Variants in PPM1H observed in about 807,000 individuals in gnomAD.
PPM1H encodes protein phosphatase, Mg2+/Mn2+ dependent 1H, also known as protein phosphatase 1H.
Under a neutral mutation model 54.9 loss-of-function variants are expected in PPM1H, and 27 were observed. The observed-to-expected ratio is 0.49, with a 90% confidence interval of 0.36 to 0.68. The LOEUF (loss-of-function observed/expected upper bound fraction) is 0.68, where lower values mean the gene tolerates loss of function less well. Among genes scored for constraint, PPM1H ranks in the 30% least tolerant of loss-of-function variants. The pLI, the probability that PPM1H is intolerant of heterozygous loss-of-function variation, is 0.00. For missense variants in PPM1H, 596 were observed against 667.8 expected (o/e 0.89, Z 1.19); for synonymous variants, 305 against 270.8 (o/e 1.13, Z -1.24).
intron 1 of PPM1H, among the ~76,000 whole-genome samples, chr12:62,917,757 T>C (rs1178623521): frequency 6.6e-6 from 1 of 152,088 alleles, no homozygotes; most frequent in East Asian, 1.9e-4. Context: ...CTGGAGACGA[T>C]ATTATAACCT....
At chr12:62,922,779 C>G (rs35325586) in intron 1 of PPM1H, among the ~76,000 whole-genome samples, 1 of 152,192 alleles carries the variant, frequency 6.6e-6, no homozygotes, top group Non-Finnish European at 1.5e-5. Context: ...ACAATCTCTA[C>G]TTCAGAAGTA....
At position 62,923,797 on chromosome 12, in the gene PPM1H, C is replaced by A. The variant is rs148240578; in HGVS notation, c.245+10695G>T. ...GGCCCCACTGTGAAAAACCTCAGCCCTGAGGGCAAGACACTTGGTTCCTGG... is the reference window on the plus strand; with the variant it reads ...GGCCCCACTGTGAAAAACCTCAGCCATGAGGGCAAGACACTTGGTTCCTGG... On this transcript the variant is annotated intron_variant, in intron 1 of 9. Transcript: ENST00000228705. Among the ~76,000 whole-genome samples, 276 of 152,308 alleles carry A rather than the reference C, an allele frequency of 1.8e-3. 2 individuals carry two copies. Among genetic ancestry groups the A allele is most frequent in the African/African-American group, 6.0e-3 (250 of 41,566 alleles).
chr12:62,906,074 A>G (rs1871294352), intron 1 of PPM1H, among the ~76,000 whole-genome samples: 1 of 152,218 alleles, frequency 6.6e-6, no homozygotes, highest in African/African-American at 2.4e-5. Context: ...CCAGATGACC[A>G]GTGGCTTGGA....
At chr12:62,861,854 T>A (rs1055508776) in intron 1 of PPM1H, among the ~76,000 whole-genome samples, 1 of 152,224 alleles carries the variant, frequency 6.6e-6, no homozygotes, top group Non-Finnish European at 1.5e-5. Context: ...CCTGGGAATA[T>A]GGCTCAGTGT....
chr12:62,671,171 CT>C (rs1430913711), intron 8 of PPM1H, among the ~76,000 whole-genome samples: 1 of 152,058 alleles, frequency 6.6e-6, no homozygotes, highest in African/African-American at 2.4e-5. Flanking sequence ...CTTAATGTTC[CT>C]GGAAGCCTCA....
chr12:62,855,750 A>T (rs948422134), intron 1 of PPM1H, among the ~76,000 whole-genome samples: 3 of 152,164 alleles, frequency 2.0e-5, no homozygotes, highest in African/African-American at 7.2e-5. Flanking sequence ...TCCAATTTTC[A>T]TGCTTCTTTG....
intron 9 of PPM1H, among the ~76,000 whole-genome samples, chr12:62,654,963 G>A (rs1378883103): frequency 6.6e-6 from 1 of 152,120 alleles, no homozygotes; most frequent in Non-Finnish European, 1.5e-5. Context: ...TCTCTCCGCC[G>A]GCTTCTCCAG....
In PPM1H at chr12:62,862,000, T is replaced by TGCAAATAATGCTTATGC. The variant is rs1179025508; in HGVS notation, c.246-29738_246-29722dup. ...TGGCCCAAACCAAATAATGCTTATGTGCAAATAATGCTTATGCGCAAATCT... is the reference window on the plus strand; with the variant it reads ...TGGCCCAAACCAAATAATGCTTATGTGCAAATAATGCTTATGCGCAAATAATGCTTATGCGCAAATCT... On this transcript the variant is annotated intron_variant, in intron 1 of 9. Coordinates refer to ENST00000228705, the MANE Select transcript of PPM1H (RefSeq NM_020700.2). 2.0e-5 allele frequency among the ~76,000 whole-genome samples: 3 copies of TGCAAATAATGCTTATGC among 152,222 alleles called. No homozygotes were observed. In the East Asian group the frequency reaches 5.8e-4, roughly 29 times the overall value.
intron 4 of PPM1H, among the ~76,000 whole-genome samples, chr12:62,766,640 C>A (rs386341): frequency 3.9e-5 from 6 of 152,128 alleles, no homozygotes; most frequent in African/African-American, 1.2e-4. Flanking sequence ...CCTCTGTGGT[C>A]CTGAAAAAAG....
chr12:62,820,391 G>T (rs1266384616), intron 2 of PPM1H, among the ~76,000 whole-genome samples: 1 of 152,226 alleles, frequency 6.6e-6, no homozygotes, highest in Non-Finnish European at 1.5e-5. Flanking sequence ...GAAGAGAGTA[G>T]TGGTTCTCCC....
chr12:62,805,540 C>T (rs914897206), intron 2 of PPM1H, among the ~76,000 whole-genome samples: 4 of 152,094 alleles, frequency 2.6e-5, no homozygotes, highest in Admixed American at 2.6e-4. Flanking sequence ...GAAATTCTGC[C>T]ATTTGCAACA....
chr12:62,931,289 T>C (rs905509825), intron 1 of PPM1H, among the ~76,000 whole-genome samples: 1 of 152,166 alleles, frequency 6.6e-6, no homozygotes, highest in Admixed American at 6.5e-5. Context: ...ATTTGAGCAA[T>C]CTTCCTACCT....
chr12:62,799,022 C>A (rs2076751373), intron 3 of PPM1H, among the ~76,000 whole-genome samples: 1 of 152,132 alleles, frequency 6.6e-6, no homozygotes, highest in Admixed American at 6.5e-5. Flanking sequence ...GCTCAATATT[C>A]TTTTCCCAGT....
chr12:62,820,554 G>A (rs1053581263), intron 2 of PPM1H, among the ~76,000 whole-genome samples: 1 of 152,184 alleles, frequency 6.6e-6, no homozygotes, highest in African/African-American at 2.4e-5. Flanking sequence ...CCAGAGGAAC[G>A]ATCAGGCAGC....
chr12:62,786,278 A>C (rs2076670911), intron 4 of PPM1H, among the ~76,000 whole-genome samples: 1 of 152,242 alleles, frequency 6.6e-6, no homozygotes, highest in Non-Finnish European at 1.5e-5. Context: ...TGTGTTTTAA[A>C]AGCCCCTGAA....
At chr12:62,895,351 C>G (rs1245978878) in intron 1 of PPM1H, among the ~76,000 whole-genome samples, 1 of 152,030 alleles carries the variant, frequency 6.6e-6, no homozygotes. Flanking sequence ...GAAAGATGAC[C>G]CTAAATGGAC....
At chr12:62,761,595 T>C (rs1000286860) in intron 4 of PPM1H, among the ~76,000 whole-genome samples, 6 of 152,152 alleles carry the variant, frequency 3.9e-5, no homozygotes, top group Admixed American at 2.0e-4. Context: ...CAGGTGGAGA[T>C]AGGCCTGTTT....
chr12:62,786,347 G>T (rs1453529567), intron 4 of PPM1H, among the ~76,000 whole-genome samples: 1 of 152,218 alleles, frequency 6.6e-6, no homozygotes, highest in Non-Finnish European at 1.5e-5. Flanking sequence ...GGAAAGGAGG[G>T]GTAGCAGATG....
At chr12:62,836,133 C>A (rs7311342) in intron 1 of PPM1H, among the ~76,000 whole-genome samples, 2 of 152,076 alleles carry the variant, frequency 1.3e-5, no homozygotes, top group African/African-American at 4.8e-5. Flanking sequence ...ACAATACTTA[C>A]GCATGATGCT....
Sources: gnomAD v4.1 joint callset for allele counts (sites outside exome capture counted in the v4.1 genomes callset) on GRCh38, gnomAD v4.1.1 for gene constraint, MANE v1.5 for transcripts, NCBI Gene and HGNC (gene_info 2026-07-23, HGNC 2026-07-21) for gene names.